CELF1: variants seen among roughly 807,000 people sequenced by gnomAD.
The protein encoded by CELF1 is 50 kDa nuclear polyadenylated RNA-binding protein.
CELF1 carries 10 observed loss-of-function variants against 61.8 expected under a neutral mutation model. The ratio of observed to expected loss-of-function variants is 0.16; its 90% CI spans 0.10 to 0.27. The LOEUF is 0.27. CELF1 is among the 10% of genes least tolerant of loss of function. CELF1 has a pLI of 1.00. For missense variants in CELF1, 380 were observed against 639.1 expected, an observed-to-expected ratio of 0.59 and a Z score of 4.37; for synonymous variants, 236 against 225.1, an observed-to-expected ratio of 1.05 and a Z score of -0.43.
intron 13 of CELF1, among the ~76,000 whole-genome samples, chr11:47,474,538 C>T (rs926213895): frequency 6.6e-6 from 1 of 152,234 alleles, no homozygotes; most frequent in Non-Finnish European, 1.5e-5. Flanking sequence ...TATTTATTGT[C>T]TGTCTCCACA....
chr11:47,532,042 T>A (rs541837399), intron 1 of CELF1, among the ~76,000 whole-genome samples: 70 of 152,192 alleles, frequency 4.6e-4, no homozygotes, highest in Admixed American at 1.1e-3. Flanking sequence ...TTTATTTTTT[T>A]TTTTTTGAGA....
rs755452948 is a variant in CELF1, at chr11:47,488,873, G to A, written c.223C>T (p.Leu75=). The change falls in exon 4 of 15, where the codon CTA becomes TTA. Residue 75 remains leucine (L), a synonymous_variant. Coordinates refer to ENST00000687097, the MANE Select transcript of CELF1 (RefSeq NM_001376376.1). ...GGCGGGTTTTGGCTCCTATCCCTTA[G>A]GACGTTGATTTCATACACAGCACCA... The part of the protein sequence containing the change: ...QYGAVYEINV[L]RDRSQNPPQS... 6.3e-7 allele frequency: 1 copy of A among 1,592,362 alleles called. No homozygotes were observed. Among genetic ancestry groups the A allele is most frequent in the Admixed American group, 1.8e-5 (1 of 56,096 alleles).
At chr11:47,548,283 A>G (rs1442065857) in intron 1 of CELF1, among the ~76,000 whole-genome samples, 1 of 152,116 alleles carries the variant, frequency 6.6e-6, no homozygotes, top group African/African-American at 2.4e-5. Context: ...TGGGTGACAG[A>G]GTGAGACTCC....
chr11:47,499,615 CA>C lies in CELF1; in HGVS notation c.-81-12del. 2.0e-6 allele frequency: 2 copies of C among 990,540 alleles called. No individual in the cohort carries two copies. Among genetic ancestry groups the C allele is most frequent in the Non-Finnish European group, 3.0e-6 (2 of 666,532 alleles). 61.4% of individuals were successfully genotyped at this position (990,540 alleles called of 1,614,324 possible). A position where few individuals can be genotyped will look rare whatever the true frequency, so the allele number is the denominator to read the frequency against. Reference sequence around the variant, plus strand: ...CACAGCTTTAGCTTCCTGGGCCCCACAAAAAACACAAAGTGGAAACAGGAGC... The same window carrying C: ...CACAGCTTTAGCTTCCTGGGCCCCACAAAAACACAAAGTGGAAACAGGAGC... On this transcript the variant is annotated splice_polypyrimidine_tract_variant and intron_variant, in intron 2 of 14. Transcript: ENST00000687097.
intron 1 of CELF1, among the ~76,000 whole-genome samples, chr11:47,502,307 G>C (rs2153558203): frequency 6.6e-6 from 1 of 152,226 alleles, no homozygotes; most frequent in East Asian, 1.9e-4. Flanking sequence ...TTCTCAGGCA[G>C]GTCACCAGAG....
At position 47,543,726 on chromosome 11, in the gene CELF1, A is replaced by G. The variant is rs1172391801; in HGVS notation, c.-154+9266T>C. On this transcript the variant is annotated intron_variant, in intron 1 of 14. Transcript: ENST00000687097. ...GAGTTTGCACCAGTTTGGGCTACAT[A>G]GCGGACCCGTGGACCCCTGTCCCCA... Among the ~76,000 whole-genome samples the G allele has an allele frequency of 3.3e-5, 5 of 152,076 alleles. No homozygotes were observed. The East Asian group carries it at 9.7e-4, about 29-fold the overall frequency.
intron 3 of CELF1, chr11:47,496,107 C>A (rs764336136): frequency 1.2e-4 from 48 of 406,360 alleles, no homozygotes; most frequent in Middle Eastern, 1.3e-3. Flanking sequence ...GCCTGAGTTA[C>A]TTACCAGCTG....
chr11:47,496,114 G>T (rs2093041818), intron 3 of CELF1: 9 of 338,778 alleles, frequency 2.7e-5, no homozygotes, highest in Non-Finnish European at 3.8e-5. Context: ...TTACTTACCA[G>T]CTGCTCCCTA....
rs537953599 is a variant in CELF1 at position 47,471,341 on chromosome 11, C to T, written c.*889G>A. The T allele has an allele frequency of 3.3e-5, 5 of 152,222 alleles. No individual in the cohort carries two copies. Among genetic ancestry groups the T allele is most frequent in the African/African-American group, 1.2e-4 (5 of 41,530 alleles). The allele number at this position is 152,222 out of a possible 1,614,324, so 9.4% of individuals were successfully genotyped here. On this transcript the variant is annotated 3_prime_UTR_variant, in exon 15 of 15. Coordinates refer to ENST00000687097, the MANE Select transcript of CELF1 (RefSeq NM_001376376.1). ...TGTGGTGAACTGCAAAGAAGGAAAC[C>T]AGGCAATGTATTCCATAGAGGCCTT...
At chr11:47,536,373 G>A (rs2096630358) in intron 1 of CELF1, among the ~76,000 whole-genome samples, 2 of 151,704 alleles carry the variant, frequency 1.3e-5, no homozygotes, top group Non-Finnish European at 3.0e-5. Flanking sequence ...TAAATAAATA[G>A]ATAGATAGAT....
rs756357798 is a variant in CELF1 at position 47,484,568 on chromosome 11, A to C, written c.392-45T>G. 5.1e-6 allele frequency: 8 copies of C among 1,569,598 alleles called. No individual in the cohort carries two copies. In the Admixed American group the frequency reaches 1.5e-4, roughly 30 times the overall value. On this transcript the variant is annotated intron_variant, in intron 6 of 14. Transcript: ENST00000687097. The stretch of plus-strand genomic sequence containing the variant: ...AAGACTTGAATATTACTACTTAAAG[A>C]GGCAATGTGGCACAGATTTGGGAGC...
In CELF1 at chr11:47,560,808, T is replaced by C. The variant is rs138977829; in HGVS notation, c.-11+3543A>G. Among the ~76,000 whole-genome samples, 289 of 152,334 alleles carry C rather than the reference T, an allele frequency of 1.9e-3. 1 individual carries two copies. Among genetic ancestry groups the C allele is most frequent in the Middle Eastern group, 0.014 (4 of 294 alleles). ...CATAATGGACTCTCAGTACTATTTT[T>C]AAAACCTTTCTGTGCATCTAAATTA... On this transcript the variant is annotated intron_variant, in intron 2 of 3. Coordinates refer to the CELF1 transcript ENST00000525841.
chr11:47,547,095 A>G (rs1167487829), intron 1 of CELF1, among the ~76,000 whole-genome samples: 2 of 142,062 alleles, frequency 1.4e-5, no homozygotes, highest in Non-Finnish European at 3.1e-5. Flanking sequence ...AAAAAAAAAG[A>G]AAGAAAGAAA....
intron 1 of CELF1, among the ~76,000 whole-genome samples, chr11:47,501,669 A>G (rs1046524834): frequency 1.3e-5 from 2 of 152,036 alleles, no homozygotes; most frequent in African/African-American, 2.4e-5. Flanking sequence ...TATCAAAAAA[A>G]AAAATTAGCT....
At position 47,486,736 on chromosome 11, in the gene CELF1, A is replaced by AT; in HGVS notation, c.391+13dup. 6.2e-7 allele frequency: 1 copy of AT among 1,608,534 alleles called. No homozygotes were observed. Among genetic ancestry groups the AT allele is most frequent in the South Asian group, 1.1e-5 (1 of 90,974 alleles). ...GCAGAAATCTTAAGGGGAAGATTGT[A>AT]TACATTTGCTTACCATTGTTCTTCT... On this transcript the variant is annotated intron_variant, in intron 6 of 14. Transcript: ENST00000687097.
intron 9 of CELF1, among the ~76,000 whole-genome samples, chr11:47,481,428 C>G (rs1158037881): frequency 2.0e-5 from 3 of 152,028 alleles, no homozygotes; most frequent in Non-Finnish European, 4.4e-5. Context: ...CAGCGCCCGG[C>G]CTAAACTGGG....
upstream of CELF1, among the ~76,000 whole-genome samples, chr11:47,554,088 T>C (rs2097194828): frequency 6.6e-6 from 1 of 152,090 alleles, no homozygotes; most frequent in Non-Finnish European, 1.5e-5. Context: ...CCAGAGAATA[T>C]AATTTTTATA....
chr11:47,512,619 T>C (rs780079355), intron 1 of CELF1, among the ~76,000 whole-genome samples: 42 of 152,054 alleles, frequency 2.8e-4, no homozygotes, highest in Non-Finnish European at 5.1e-4. Flanking sequence ...GGATTACAGA[T>C]GTGAGCCTCC....
chr11:47,476,078 C>A (rs2079990344), intron 12 of CELF1, among the ~76,000 whole-genome samples: 1 of 151,340 alleles, frequency 6.6e-6, no homozygotes, highest in Non-Finnish European at 1.5e-5. Flanking sequence ...TAGCTCACTG[C>A]AGCCTCAAGC....
Sources: gnomAD v4.1 joint callset for allele counts (sites outside exome capture counted in the v4.1 genomes callset) on GRCh38, gnomAD v4.1.1 for gene constraint, MANE v1.5 for transcripts, NCBI Gene and HGNC (gene_info 2026-07-23, HGNC 2026-07-21) for gene names.